CACNA2D1: variants seen among roughly 807,000 people sequenced by gnomAD.
CACNA2D1 encodes voltage-dependent calcium channel subunit alpha-2/delta-1.
In CACNA2D1, 53 loss-of-function variants were observed where a neutral mutation model predicts 171.5. That is an observed-to-expected ratio of 0.31 (90% CI 0.25 to 0.39). The LOEUF (loss-of-function observed/expected upper bound fraction) is 0.39, where lower values mean the gene tolerates loss of function less well. CACNA2D1 is among the 10% of genes least tolerant of loss of function. CACNA2D1 has a pLI of 1.00. For synonymous variants in CACNA2D1, 442 were observed against 443.1 expected (o/e 1.00, Z 0.03); for missense variants, 903 against 1,299.8 (o/e 0.69, Z 4.69).
At chr7:82,261,368 A>G (rs1042289503) in intron 3 of CACNA2D1, among the ~76,000 whole-genome samples, 2 of 152,218 alleles carry the variant, frequency 1.3e-5, no homozygotes, top group Non-Finnish European at 2.9e-5. Flanking sequence ...ACATGACTGT[A>G]AGATCTTATC....
chr7:82,291,877 A>G (rs1373111051), intron 3 of CACNA2D1, among the ~76,000 whole-genome samples: 1 of 151,624 alleles, frequency 6.6e-6, no homozygotes, highest in Non-Finnish European at 1.5e-5. Flanking sequence ...ACACTCTAAA[A>G]CTGCTATACA....
intron 4 of CACNA2D1, among the ~76,000 whole-genome samples, chr7:82,164,825 A>AT (rs200015891): frequency 4.6e-5 from 7 of 151,030 alleles, no homozygotes; most frequent in African/African-American, 7.3e-5. Flanking sequence ...TTTTTTCTTA[A>AT]TTTTTTTATT....
chr7:82,071,527 A>G (rs958194055), intron 7 of CACNA2D1, among the ~76,000 whole-genome samples: 1 of 152,174 alleles, frequency 6.6e-6, no homozygotes, highest in African/African-American at 2.4e-5. Context: ...AAATGAGGAA[A>G]CATCCTACCT....
chr7:82,035,698 G>T (rs921363045), intron 11 of CACNA2D1, among the ~76,000 whole-genome samples: 4 of 151,964 alleles, frequency 2.6e-5, no homozygotes, highest in African/African-American at 7.3e-5. Flanking sequence ...CTAAACAGGA[G>T]GCAATGAAGT....
chr7:82,282,627 A>G (rs956643617), intron 3 of CACNA2D1, among the ~76,000 whole-genome samples: 2 of 151,282 alleles, frequency 1.3e-5, no homozygotes, highest in Non-Finnish European at 2.9e-5. Flanking sequence ...TAGTTCATAT[A>G]CTGCCAACAA....
chr7:82,273,023 T>C (rs1031266113), intron 3 of CACNA2D1, among the ~76,000 whole-genome samples: 4 of 152,186 alleles, frequency 2.6e-5, no homozygotes, highest in African/African-American at 9.6e-5. Flanking sequence ...AAAGAACTAA[T>C]ACTACTAACT....
At chr7:82,271,496 T>C (rs1293731310) in intron 3 of CACNA2D1, among the ~76,000 whole-genome samples, 3 of 152,154 alleles carry the variant, frequency 2.0e-5, no homozygotes, top group East Asian at 3.8e-4. Flanking sequence ...TTATCACTTG[T>C]CAAATTTCAC....
At chr7:82,422,061 G>A (rs543445773) in intron 1 of CACNA2D1, among the ~76,000 whole-genome samples, 49 of 152,176 alleles carry the variant, frequency 3.2e-4, no homozygotes, top group African/African-American at 1.2e-3. Flanking sequence ...GGTTTATGAG[G>A]CAACATCTGG....
At chr7:82,249,432 G>A (rs1805364513) in intron 3 of CACNA2D1, among the ~76,000 whole-genome samples, 1 of 152,190 alleles carries the variant, frequency 6.6e-6, no homozygotes, top group Non-Finnish European at 1.5e-5. Flanking sequence ...AAAAGCAAAT[G>A]TAGGGAACAA....
rs37128 is a variant in CACNA2D1, at chr7:82,008,029, A to T, written c.1363-273T>A. ...ACTTCAAAAATAATCAGCTTACACA[A>T]ATAGTCAACAGCCTGTATGCATTTC... On this transcript the variant is annotated intron_variant, in intron 15 of 38. Transcript: ENST00000356860. Among the ~76,000 whole-genome samples, 3,277 of 152,206 alleles carry T rather than the reference A, an allele frequency of 0.022. 122 individuals carry two copies. The highest frequency in any genetic ancestry group is 0.074 in the African/African-American group (3,057 of 41,512).
intron 12 of CACNA2D1, chr7:82,027,865 G>C (rs1395635981): frequency 3.3e-5 from 5 of 151,766 alleles, no homozygotes; most frequent in Non-Finnish European, 7.4e-5. Context: ...CCCTGAAGCT[G>C]GCAGAGGTTG....
chr7:82,285,367 A>T (rs1810628890), intron 3 of CACNA2D1, among the ~76,000 whole-genome samples: 1 of 152,188 alleles, frequency 6.6e-6, no homozygotes, highest in Non-Finnish European at 1.5e-5. Context: ...GCAATCCTGC[A>T]GTCCTAGCCA....
chr7:82,313,055 G>C (rs903126073), intron 3 of CACNA2D1, among the ~76,000 whole-genome samples: 1 of 152,138 alleles, frequency 6.6e-6, no homozygotes. Flanking sequence ...CAACGTCCTA[G>C]AATAAGAAAT....
At chr7:82,061,125 C>A (rs1239382431) in intron 9 of CACNA2D1, among the ~76,000 whole-genome samples, 1 of 152,200 alleles carries the variant, frequency 6.6e-6, no homozygotes, top group African/African-American at 2.4e-5. Context: ...GCTCCCAACA[C>A]TTTCCTGGTT....
At chr7:82,078,870 A>T (rs1008635418) in intron 7 of CACNA2D1, among the ~76,000 whole-genome samples, 1 of 152,108 alleles carries the variant, frequency 6.6e-6, no homozygotes, top group South Asian at 2.1e-4. Context: ...CAAGAAGGAG[A>T]GGAGAAAGAG....
intron 18 of CACNA2D1, among the ~76,000 whole-genome samples, chr7:82,001,231 T>C (rs1798574315): frequency 6.6e-6 from 1 of 152,156 alleles, no homozygotes; most frequent in African/African-American, 2.4e-5. Flanking sequence ...AACCCAAAAT[T>C]ACACTTTTTA....
chr7:82,258,624 C>A (rs1418712926), intron 3 of CACNA2D1, among the ~76,000 whole-genome samples: 1 of 152,138 alleles, frequency 6.6e-6, no homozygotes, highest in African/African-American at 2.4e-5. Context: ...AGATGAAATA[C>A]ATCACCAAGA....
At chr7:82,178,596 AAT>A (rs1157954785) in intron 3 of CACNA2D1, among the ~76,000 whole-genome samples, 1 of 152,128 alleles carries the variant, frequency 6.6e-6, no homozygotes, top group Non-Finnish European at 1.5e-5. Flanking sequence ...ATCTACGTTT[AAT>A]ATATTACACC....
intron 24 of CACNA2D1, among the ~76,000 whole-genome samples, chr7:81,974,900 C>T (rs972933924): frequency 3.3e-5 from 5 of 151,550 alleles, no homozygotes; most frequent in African/African-American, 1.2e-4. Context: ...AGCATTAGGA[C>T]AAAAACCTAA....
Sources: gnomAD v4.1 joint callset for allele counts (sites outside exome capture counted in the v4.1 genomes callset) on GRCh38, gnomAD v4.1.1 for gene constraint, MANE v1.5 for transcripts, NCBI Gene and HGNC (gene_info 2026-07-23, HGNC 2026-07-21) for gene names.